ANKS1B: variants seen among roughly 807,000 people sequenced by gnomAD.
ANKS1B encodes the protein ankyrin repeat and sterile alpha motif domain-containing protein 1B.
ANKS1B carries 36 observed loss-of-function variants against 148.3 expected under a neutral mutation model. That is an observed-to-expected ratio of 0.24 (90% CI 0.19 to 0.32). ANKS1B has a LOEUF of 0.32. Among genes scored for constraint, ANKS1B ranks in the 10% least tolerant of loss-of-function variants. The pLI is 1.00. For missense variants in ANKS1B, 1,157 were observed against 1,542.6 expected, an observed-to-expected ratio of 0.75 and a Z score of 4.19; for synonymous variants, 542 against 560.8, an observed-to-expected ratio of 0.97 and a Z score of 0.47.
At chr12:98,781,014 G>A (rs1412513638) in intron 24 of ANKS1B, 103 bp downstream of exon 24, 3 of 680,936 alleles carry the variant, frequency 4.4e-6, no homozygotes, top group African/African-American at 3.6e-5. Context: ...GGAAAGGGAT[G>A]ATTACAGTGG....
At chr12:99,259,826 C>T (rs1367326801) in intron 12 of ANKS1B, among the ~76,000 whole-genome samples, 4 of 152,194 alleles carry the variant, frequency 2.6e-5, no homozygotes, top group African/African-American at 9.7e-5. Context: ...CATGTATAAG[C>T]CAAGTTCACA....
intron 17 of ANKS1B, among the ~76,000 whole-genome samples, chr12:98,885,019 G>C (rs1485790443): frequency 6.6e-6 from 1 of 152,010 alleles, no homozygotes; most frequent in African/African-American, 2.4e-5. Flanking sequence ...CATCCACTCA[G>C]TTGCACAGGC....
chr12:99,472,267 GCGTCTT>G (rs1230188616), intron 10 of ANKS1B, among the ~76,000 whole-genome samples: 1 of 152,006 alleles, frequency 6.6e-6, no homozygotes, highest in Admixed American at 6.6e-5. Context: ...TTTTTCTGCA[GCGTCTT>G]CTCTGGCTCG....
At chr12:99,918,745 C>G (rs1236962613) in intron 1 of ANKS1B, among the ~76,000 whole-genome samples, 3 of 152,156 alleles carry the variant, frequency 2.0e-5, no homozygotes, top group Non-Finnish European at 4.4e-5. Flanking sequence ...TCAATTAAAT[C>G]TGAACAAGTA....
At chr12:99,461,914 T>C (rs565849145) in intron 10 of ANKS1B, among the ~76,000 whole-genome samples, 18 of 152,354 alleles carry the variant, frequency 1.2e-4, no homozygotes, top group African/African-American at 4.1e-4. Context: ...TCACTTCCTC[T>C]CTCTTCCACA....
intron 17 of ANKS1B, among the ~76,000 whole-genome samples, chr12:98,885,542 A>G (rs1226651934): frequency 1.3e-5 from 2 of 152,234 alleles, no homozygotes; most frequent in Non-Finnish European, 2.9e-5. Flanking sequence ...TGAACACTCC[A>G]GGGCTGCCCA....
chr12:99,324,454 C>T (rs547051830), intron 12 of ANKS1B, among the ~76,000 whole-genome samples: 6 of 152,170 alleles, frequency 3.9e-5, no homozygotes, highest in Admixed American at 6.6e-5. Flanking sequence ...CATCACGACC[C>T]TCTGATTTTG....
chr12:99,753,314 C>T (rs943438087), intron 8 of ANKS1B, among the ~76,000 whole-genome samples: 5 of 151,970 alleles, frequency 3.3e-5, no homozygotes, highest in African/African-American at 1.2e-4. Context: ...GCAAGAAATG[C>T]CTATGATATT....
At chr12:99,949,148 G>C (rs919860060) in intron 1 of ANKS1B, among the ~76,000 whole-genome samples, 1 of 152,148 alleles carries the variant, frequency 6.6e-6, no homozygotes. Flanking sequence ...GTATATTGTA[G>C]GGTACAGATT....
intron 17 of ANKS1B, among the ~76,000 whole-genome samples, chr12:98,849,392 G>C (rs1595432774): frequency 6.6e-6 from 1 of 152,298 alleles, no homozygotes; most frequent in South Asian, 2.1e-4. Flanking sequence ...CTTAGCTGTA[G>C]TGTCTCTTAG....
At chr12:99,589,654 G>A (rs1476259420) in intron 9 of ANKS1B, among the ~76,000 whole-genome samples, 1 of 152,102 alleles carries the variant, frequency 6.6e-6, no homozygotes, top group East Asian at 1.9e-4. Flanking sequence ...CCATTTTTCT[G>A]AGCAAATATA....
chr12:99,317,983 G>A (rs1488347007), intron 12 of ANKS1B, among the ~76,000 whole-genome samples: 1 of 152,216 alleles, frequency 6.6e-6, no homozygotes, highest in African/African-American at 2.4e-5. Flanking sequence ...ATTTGCATAT[G>A]TTGAACCAGC....
intron 17 of ANKS1B, among the ~76,000 whole-genome samples, chr12:98,915,971 C>T (rs1428991322): frequency 1.3e-5 from 2 of 152,056 alleles, no homozygotes; most frequent in African/African-American, 4.8e-5. Context: ...GGGGGATCTC[C>T]GGAGCCCCTT....
At chr12:98,971,818 G>A (rs10507104) in intron 17 of ANKS1B, among the ~76,000 whole-genome samples, 27,537 of 152,132 alleles carry the variant, frequency 0.18, 2,676 homozygotes, top group African/African-American at 0.23. Context: ...ATTTCCAGAA[G>A]AGGAGTGAAT....
At chr12:99,666,858 G>A (rs1567601137) in intron 8 of ANKS1B, among the ~76,000 whole-genome samples, 1 of 49,502 alleles carries the variant, frequency 2.0e-5, no homozygotes, top group Non-Finnish European at 3.3e-5. Context: ...TTACTATGGG[G>A]TGTGTGTGTG....
At chr12:99,647,395 A>G (rs2098381005) in intron 9 of ANKS1B, among the ~76,000 whole-genome samples, 1 of 152,222 alleles carries the variant, frequency 6.6e-6, no homozygotes, top group South Asian at 2.1e-4. Flanking sequence ...AACATCCTGT[A>G]CCAATCTGTT....
intron 9 of ANKS1B, among the ~76,000 whole-genome samples, chr12:99,579,050 C>T (rs1239837874): frequency 6.6e-6 from 1 of 152,010 alleles, no homozygotes; most frequent in African/African-American, 2.4e-5. Context: ...AGCTGCACAC[C>T]TAAAACCAAC....
chr12:99,588,609 T>C (rs544047116), intron 9 of ANKS1B, among the ~76,000 whole-genome samples: 4 of 152,238 alleles, frequency 2.6e-5, no homozygotes, highest in African/African-American at 7.2e-5. Context: ...ATTTTGTACA[T>C]AAAGATGATA....
At chr12:99,866,137 C>G (rs1047490416) in intron 1 of ANKS1B, among the ~76,000 whole-genome samples, 5 of 152,098 alleles carry the variant, frequency 3.3e-5, no homozygotes, top group Non-Finnish European at 1.5e-5. Context: ...TGCTGACTAC[C>G]CAATAATCTT....
Sources: allele counts gnomAD v4.1 joint callset (sites outside exome capture counted in the v4.1 genomes callset), GRCh38; gene constraint gnomAD v4.1.1; transcripts MANE v1.5; gene names NCBI Gene and HGNC (gene_info 2026-07-23, HGNC 2026-07-21).